SYNJ2: variants seen among roughly 807,000 people sequenced by gnomAD.
SYNJ2 encodes the protein synaptojanin 2, also known as polyphosphatidylinositol phosphatase SYNJ2.
A neutral mutation model predicts 141.3 loss-of-function variants in SYNJ2; 116 were observed. That is an observed-to-expected ratio of 0.82 (90% CI 0.71 to 0.96). The LOEUF (loss-of-function observed/expected upper bound fraction) is 0.96. Among genes scored for constraint, SYNJ2 ranks in the 40% least tolerant of loss-of-function variants. The pLI is 0.00. For missense variants in SYNJ2, 1,873 were observed against 1,934.8 expected (o/e 0.97, Z 0.60); for synonymous variants, 745 against 777.7 (o/e 0.96, Z 0.70).
chr6:158,025,766 T>G (rs1341381544), intron 2 of SYNJ2, among the ~76,000 whole-genome samples: 1 of 152,134 alleles, frequency 6.6e-6, no homozygotes, highest in Non-Finnish European at 1.5e-5. Flanking sequence ...CAGCCTGACC[T>G]ACATGGAGAA....
intron 1 of SYNJ2, among the ~76,000 whole-genome samples, chr6:157,987,922 T>C (rs1045661255): frequency 6.6e-6 from 1 of 152,214 alleles, no homozygotes; most frequent in Non-Finnish European, 1.5e-5. Flanking sequence ...GACCACAGCC[T>C]GGAAGAACAG....
chr6:158,057,152 A>G (rs1780917662), intron 6 of SYNJ2, among the ~76,000 whole-genome samples: 1 of 151,940 alleles, frequency 6.6e-6, no homozygotes, highest in South Asian at 2.1e-4. Flanking sequence ...TTCCAAATAG[A>G]AATCTGATTC....
Position 158,072,784 on chromosome 6 carries a change from T to C in SYNJ2, c.2133+990T>C, listed in dbSNP as rs1782018187. Among the ~76,000 whole-genome samples the C allele has an allele frequency of 1.3e-5, 2 of 151,528 alleles. 1 individual carries two copies. Among genetic ancestry groups the C allele is most frequent in the South Asian group, 4.2e-4 (2 of 4,786 alleles). On this transcript the variant is annotated intron_variant, in intron 15 of 26. Transcript: ENST00000355585. ...CCCTTCTCACTTAAAAATAGCTACT[T>C]TGGGGCCAGGCACAGTGGCTCACAC...
intron 1 of SYNJ2, among the ~76,000 whole-genome samples, chr6:157,988,518 G>A (rs887292564): frequency 3.3e-5 from 5 of 152,162 alleles, no homozygotes; most frequent in African/African-American, 1.2e-4. Flanking sequence ...GACCTGTCCT[G>A]GGCACCTGTC....
chr6:158,088,594 C>T (rs1206684651), intron 23 of SYNJ2, 66 bp from the exon 24 acceptor site: 10 of 1,251,486 alleles, frequency 8.0e-6, no homozygotes, highest in Non-Finnish European at 1.1e-5. Context: ...AGTCGGGCTC[C>T]TGGCAGCTGG....
chr6:158,017,321 C>A, intron 2 of SYNJ2, 31 bp downstream of exon 2: 1 of 1,593,824 alleles, frequency 6.3e-7, no homozygotes, highest in Non-Finnish European at 8.5e-7. Context: ...GGAGCAGGCG[C>A]CAGGCTCCCC....
intron 5 of SYNJ2, among the ~76,000 whole-genome samples, chr6:158,053,798 TATCC>T (rs576299252): frequency 2.4e-4 from 34 of 142,634 alleles, no homozygotes; most frequent in African/African-American, 8.9e-4. Flanking sequence ...CCCACTTACC[TATCC>T]ATCCATCTTT....
chr6:158,089,748 C>A lies in SYNJ2; in HGVS notation c.3457-91C>A, dbSNP rs1040137093. On this transcript the variant is annotated intron_variant, in intron 24 of 26. Transcript: ENST00000355585. ...GTATGGTCAGCATCGTCTGGTGGAG[C>A]CCTGCACAGACCCACGGGTAGCAGA... is the stretch of plus-strand genomic sequence containing the variant. 7 of 841,244 alleles carry A rather than the reference C, an allele frequency of 8.3e-6. No homozygotes were observed. The African/African-American group carries it at 1.0e-4, about 12-fold the overall frequency. 52.1% of individuals were successfully genotyped at this position (841,244 alleles called of 1,614,324 possible).
intron 11 of SYNJ2, among the ~76,000 whole-genome samples, chr6:158,065,530 G>A (rs79015577): frequency 1.8e-4 from 27 of 152,192 alleles, no homozygotes; most frequent in Non-Finnish European, 3.5e-4. Flanking sequence ...CATTTTAATG[G>A]CATCTTCTTA....
chr6:158,083,666 C>A, intron 21 of SYNJ2, 69 bp downstream of exon 21: 1 of 1,580,392 alleles, frequency 6.3e-7, no homozygotes, highest in Non-Finnish European at 8.6e-7. Context: ...TTTAAGGACA[C>A]CTTCTAAAGC....
intron 5 of SYNJ2, among the ~76,000 whole-genome samples, chr6:158,049,783 G>C (rs1780458781): frequency 6.6e-6 from 1 of 151,952 alleles, no homozygotes; most frequent in African/African-American, 2.4e-5. Flanking sequence ...TGGCTCTGCA[G>C]GTATGCACGT....
rs191875925 is a variant in SYNJ2 at position 158,094,098 on chromosome 6, G to T, written c.3744+994G>T. On this transcript the variant is annotated intron_variant, in intron 26 of 26. Coordinates refer to ENST00000355585, the MANE Select transcript of SYNJ2 (RefSeq NM_003898.4). The stretch of plus-strand genomic sequence containing the variant: ...TTCCCCCCTAGAGAGTGTGAGGGGG[G>T]CTTCGGCTTCACTCTTGACAGCGCT... 75 of 675,870 alleles carry T rather than the reference G, an allele frequency of 1.1e-4. No homozygotes were observed. In the Middle Eastern group the frequency reaches 1.6e-3, roughly 15 times the overall value. 41.9% of individuals were successfully genotyped at this position (675,870 alleles called of 1,614,324 possible).
intron 23 of SYNJ2, 55 bp from the exon 24 acceptor site, chr6:158,088,605 C>T: frequency 1.5e-6 from 2 of 1,364,268 alleles, no homozygotes; most frequent in East Asian, 4.6e-5. Flanking sequence ...TGGCAGCTGG[C>T]TGGGAAGTTG....
chr6:158,092,116 A>AC (rs1457347526), intron 25 of SYNJ2, among the ~76,000 whole-genome samples: 1 of 151,928 alleles, frequency 6.6e-6, no homozygotes, highest in Non-Finnish European at 1.5e-5. Context: ...GCTGTTAAAA[A>AC]AAAAAAAACT....
chr6:158,012,155 C>G (rs892437678), intron 1 of SYNJ2, among the ~76,000 whole-genome samples: 1 of 152,042 alleles, frequency 6.6e-6, no homozygotes, highest in Non-Finnish European at 1.5e-5. Flanking sequence ...GTCATTGCAC[C>G]CAAGCAGATG....
chr6:158,018,456 C>T (rs534352762), intron 2 of SYNJ2, among the ~76,000 whole-genome samples: 6 of 152,316 alleles, frequency 3.9e-5, no homozygotes, highest in South Asian at 2.1e-4. Flanking sequence ...CTGAGCCAAG[C>T]GCACACCTCC....
intron 2 of SYNJ2, 115 bp downstream of exon 2, chr6:158,017,405 CTTTTTTTTTTTT>C: frequency 1.7e-6 from 1 of 599,278 alleles, no homozygotes. Context: ...TCTCTCTCTT[CTTTTTTTTTTTT>C]TTTTTTTTTT....
rs754587398 is a variant in SYNJ2, at chr6:158,081,501, C to T, written c.2856C>T (p.Asp952=). 116 of 1,610,916 alleles carry T rather than the reference C, an allele frequency of 7.2e-5. No homozygotes were observed. The highest frequency in any genetic ancestry group is 9.9e-5 in the South Asian group (9 of 90,970). ...CGGCTCTCAGTGTCCTGGACGTGGA[C>T]GGTATGAAGGTACGCTGTACTTGGC... ...SHSALSVLDV[D]GMKVKGRAVK... The change falls in exon 20 of 27, where the codon GAC becomes GAT. Residue 952 remains aspartate (D), a synonymous_variant. Coordinates refer to ENST00000355585, the MANE Select transcript of SYNJ2 (RefSeq NM_003898.4).
rs1313343688 is a variant in SYNJ2, at chr6:158,040,540, A to C, written c.712-2776A>C. Among the ~76,000 whole-genome samples the C allele has an allele frequency of 6.6e-6, 1 of 152,108 alleles. No homozygotes were observed. On this transcript the variant is annotated intron_variant, in intron 4 of 26. Coordinates refer to ENST00000355585, the MANE Select transcript of SYNJ2 (RefSeq NM_003898.4). This position sits in a 1 kb window ranked among gnomAD's most constrained non-coding sequence, Gnocchi z 4.2. ...AAAGTCCCCTCAGTCTATTAAAAAA[A>C]AAAAAGGATGTAAGATAAATATTTG... is the stretch of plus-strand genomic sequence containing the variant.
Sources: gnomAD v4.1 joint callset for allele counts (sites outside exome capture counted in the v4.1 genomes callset) on GRCh38, gnomAD v4.1.1 for gene constraint, Gnocchi (gnomAD v3.1) non-coding constraint, MANE v1.5 for transcripts, NCBI Gene and HGNC (gene_info 2026-07-23, HGNC 2026-07-21) for gene names.